CACNG6: variants seen among roughly 807,000 people sequenced by gnomAD.
CACNG6 encodes the protein voltage-dependent calcium channel gamma-6 subunit.
CACNG6 carries 21 observed loss-of-function variants against 23.9 expected under a neutral mutation model. The ratio of observed to expected loss-of-function variants is 0.88; its 90% confidence interval spans 0.62 to 1.26. The LOEUF (loss-of-function observed/expected upper bound fraction) is 1.26. Ranked by LOEUF, CACNG6 falls within the 50% of genes most tolerant of loss-of-function variation. CACNG6 has a pLI of 0.00. For synonymous variants in CACNG6, 182 were observed against 168.9 expected (o/e 1.08, Z -0.60); for missense variants, 340 against 352.9 (o/e 0.96, Z 0.29).
At position 53,992,648 on chromosome 19, in the gene CACNG6, A is replaced by G; in HGVS notation, c.-230A>G. 2.9e-6 allele frequency: 1 copy of G among 349,162 alleles called. No homozygotes were observed. Among genetic ancestry groups the G allele is most frequent in the Middle Eastern group, 7.5e-4 (1 of 1,340 alleles). 21.6% of individuals were successfully genotyped at this position (349,162 alleles called of 1,614,324 possible). A position where few individuals can be genotyped will look rare whatever the true frequency, so the allele number is the denominator to read the frequency against. ...GAGGGCAACCTAGACCCTCCTCTGAACCCCAGAGGCTTCCCCAGCCCTGGG... is the reference window on the plus strand; with the variant it reads ...GAGGGCAACCTAGACCCTCCTCTGAGCCCCAGAGGCTTCCCCAGCCCTGGG... On this transcript the variant is annotated 5_prime_UTR_variant, in exon 1 of 4. Transcript: ENST00000252729. The surrounding 1 kb of genome is among the most constrained non-coding windows in gnomAD (Gnocchi z 4.1).
chr19:53,999,758 C>T lies in CACNG6; in HGVS notation c.531C>T (p.Cys177=). ...AEFLLRVGAV[C]FGLSGLLLLV... Reference sequence around the variant, plus strand: ...TCCTGCTCCGAGTTGGAGCCGTCTGCTTTGGCCTCTCAGGTGAGGGTTCAG... The same window carrying T: ...TCCTGCTCCGAGTTGGAGCCGTCTGTTTTGGCCTCTCAGGTGAGGGTTCAG... The change falls in exon 3 of 4, where the codon TGC becomes TGT. Residue 177 remains cysteine (C), a synonymous_variant. Coordinates refer to ENST00000252729, the MANE Select transcript of CACNG6 (RefSeq NM_145814.2). 1 of 1,613,904 alleles carries T rather than the reference C, an allele frequency of 6.2e-7. No homozygotes were observed. The highest frequency in any genetic ancestry group is 1.7e-4 in the Middle Eastern group (1 of 5,998).
At chr19:54,007,071 C>T (rs1316737660) in intron 3 of CACNG6, among the ~76,000 whole-genome samples, 1 of 151,970 alleles carries the variant, frequency 6.6e-6, no homozygotes, top group African/African-American at 2.4e-5. Context: ...TTTTTTGAGA[C>T]AGGGTCTCAC....
chr19:54,009,448 TAA>T (rs55798486), intron 3 of CACNG6, among the ~76,000 whole-genome samples: 64 of 102,436 alleles, frequency 6.2e-4, no homozygotes, highest in African/African-American at 5.4e-4. Context: ...AGACTCCATC[TAA>T]AAAAAAAAAA....
rs866833754 is a variant in CACNG6 at position 54,012,137 on chromosome 19, C to T, written c.731C>T (p.Pro244Leu). The T allele has an allele frequency of 6.5e-7, 1 of 1,535,958 alleles. No individual in the cohort carries two copies. The highest frequency in any genetic ancestry group is 8.8e-7 in the Non-Finnish European group (1 of 1,142,172). ...GGCTGCTTTCTGCTGCTCACACTGC[C>T]TTCCTGGCCCTGGGGGTCCCTCTGT... ...GAGCFLLLTL[P>L]SWPWGSLCPK... is the part of the protein sequence containing the mutation. The change falls in exon 4 of 4, where the codon CCT becomes CTT. Residue 244 changes from proline (P) to leucine (L), a missense_variant. Physicochemically the swap from Pro to Leu is moderately conservative, Grantham distance 98. Transcript: ENST00000252729.
At chr19:54,000,067 G>T (rs1307469655) in intron 3 of CACNG6, among the ~76,000 whole-genome samples, 1 of 152,156 alleles carries the variant, frequency 6.6e-6, no homozygotes, top group African/African-American at 2.4e-5. Flanking sequence ...CAACAACCGG[G>T]CTAAGGATTG....
intron 1 of CACNG6, among the ~76,000 whole-genome samples, chr19:53,994,939 G>A (rs1378420636): frequency 6.6e-6 from 1 of 152,168 alleles, no homozygotes; most frequent in African/African-American, 2.4e-5. Flanking sequence ...AATAAGAATA[G>A]TAGCTGCTTA....
intron 3 of CACNG6, among the ~76,000 whole-genome samples, chr19:54,005,422 C>T (rs1187187596): frequency 5.6e-5 from 7 of 125,084 alleles, no homozygotes; most frequent in Admixed American, 4.5e-4. Flanking sequence ...TAGCTAGTCT[C>T]ATAACCTGAT....
chr19:54,003,535 A>G (rs540629575), intron 3 of CACNG6, among the ~76,000 whole-genome samples: 3 of 151,890 alleles, frequency 2.0e-5, no homozygotes, highest in Admixed American at 1.3e-4. Flanking sequence ...TAAGTTTTGT[A>G]TTTTTAATAG....
At chr19:53,998,616 A>G (rs1327563061) in intron 2 of CACNG6, among the ~76,000 whole-genome samples, 1 of 151,180 alleles carries the variant, frequency 6.6e-6, no homozygotes, top group African/African-American at 2.4e-5. Flanking sequence ...GGTTCAAGCA[A>G]TTCACCTACC....
In CACNG6 at chr19:53,992,775, G is replaced by A; in HGVS notation, c.-103G>A. The A allele has an allele frequency of 1.5e-6, 1 of 673,482 alleles. No individual in the cohort carries two copies. The highest frequency in any genetic ancestry group is 2.2e-6 in the Non-Finnish European group (1 of 447,686). The allele number at this position is 673,482 out of a possible 1,614,324, so 41.7% of individuals were successfully genotyped here. ...CTCTTTCATACCCAGGGGAAACTGA[G>A]TCCCTCACCCCCTTCAAGACCCCAG... On this transcript the variant is annotated 5_prime_UTR_variant, in exon 1 of 4. Coordinates refer to ENST00000252729, the MANE Select transcript of CACNG6 (RefSeq NM_145814.2). This position sits in a 1 kb window ranked among gnomAD's most constrained non-coding sequence, Gnocchi z 4.1.
At chr19:54,011,204 AAATAT>A (rs1330551761) in intron 3 of CACNG6, among the ~76,000 whole-genome samples, 2 of 109,568 alleles carry the variant, frequency 1.8e-5, no homozygotes, top group African/African-American at 4.3e-5. Flanking sequence ...AAAAAAAAAA[AAATAT>A]ATATATATAT....
At position 53,993,126 on chromosome 19, in the gene CACNG6, G is replaced by A. The variant is rs2145951343; in HGVS notation, c.249G>A (p.Leu83=). Residue 83 remains leucine, a synonymous_variant, in exon 1 of 4, where the codon CTG becomes CTA. Coordinates refer to ENST00000252729, the MANE Select transcript of CACNG6 (RefSeq NM_145814.2). ...SAVCEAAHLG[L]WKACTKRLWQ... ...TGTGCGAAGCGGCCCACCTGGGGCT[G>A]TGGAAGGCGTGCACCAAGCGGCTGT... is the stretch of plus-strand genomic sequence containing the variant. 6.5e-7 allele frequency: 1 copy of A among 1,548,058 alleles called. No individual in the cohort carries two copies. The highest frequency in any genetic ancestry group is 8.7e-7 in the Non-Finnish European group (1 of 1,146,022).
At chr19:53,998,018 C>T (rs923227615) in intron 1 of CACNG6, among the ~76,000 whole-genome samples, 2 of 152,094 alleles carry the variant, frequency 1.3e-5, no homozygotes, top group African/African-American at 4.8e-5. Flanking sequence ...CACTTGGGGC[C>T]ACAGGTCTGG....
At position 54,012,482 on chromosome 19, in the gene CACNG6, G is replaced by A. The variant is rs1480298519; in HGVS notation, c.*293G>A. 1 of 263,262 alleles carries A rather than the reference G, an allele frequency of 3.8e-6. No homozygotes were observed. 16.3% of individuals were successfully genotyped at this position (263,262 alleles called of 1,614,324 possible). A position where few individuals can be genotyped will look rare whatever the true frequency, so the allele number is the denominator to read the frequency against. ...GATGGGGTAGCTGGGGTGTGGGGTT[G>A]GGGGATGAGGTCAGGGGGTCTTGGG... On this transcript the variant is annotated 3_prime_UTR_variant, in exon 4 of 4. Transcript: ENST00000252729.
chr19:54,001,672 G>A (rs1224391126), intron 3 of CACNG6, among the ~76,000 whole-genome samples: 1 of 152,160 alleles, frequency 6.6e-6, no homozygotes, highest in Non-Finnish European at 1.5e-5. Flanking sequence ...GCCTCTCTGG[G>A]GAGGTGACAT....
At chr19:54,005,535 C>T (rs1430928740) in intron 3 of CACNG6, among the ~76,000 whole-genome samples, 6 of 151,998 alleles carry the variant, frequency 3.9e-5, no homozygotes, top group East Asian at 3.9e-4. Context: ...GCGGGCAGAT[C>T]TCAGGATTAG....
chr19:53,999,814 G>C (rs2069557451), intron 3 of CACNG6, 43 bp downstream of exon 3: 1 of 1,605,624 alleles, frequency 6.2e-7, no homozygotes, highest in South Asian at 1.1e-5. Flanking sequence ...TGCATGCTGG[G>C]AGGATCTCCA....
upstream of CACNG6, among the ~76,000 whole-genome samples, chr19:53,991,483 C>T (rs999213939): frequency 8.5e-5 from 13 of 152,206 alleles, no homozygotes; most frequent in African/African-American, 2.6e-4. Context: ...CCCCCTTCCT[C>T]GTCCCCTTAA....
At chr19:54,003,349 CT>C (rs2069599906) in intron 3 of CACNG6, among the ~76,000 whole-genome samples, 1 of 151,968 alleles carries the variant, frequency 6.6e-6, no homozygotes, top group African/African-American at 2.4e-5. Context: ...ACCCGCATGC[CT>C]TTTTATTTAT....
Sources: gnomAD v4.1 joint callset for allele counts (sites outside exome capture counted in the v4.1 genomes callset) on GRCh38, gnomAD v4.1.1 for gene constraint, Gnocchi (gnomAD v3.1) non-coding constraint, MANE v1.5 for transcripts, NCBI Gene and HGNC (gene_info 2026-07-23, HGNC 2026-07-21) for gene names.